The following AVEN variants were observed in gnomAD, a reference collection of about 807,000 sequenced individuals.
AVEN encodes the protein apoptosis and caspase activation inhibitor.
A neutral mutation model predicts 38.1 loss-of-function variants in AVEN; 41 were observed. The ratio of observed to expected loss-of-function variants is 1.08; its 90% CI spans 0.84 to 1.40. The LOEUF (loss-of-function observed/expected upper bound fraction) is 1.40, where lower values mean the gene tolerates loss of function less well. AVEN is among the 40% of genes most tolerant of loss of function. AVEN has a pLI of 0.00. For synonymous variants in AVEN, 206 were observed against 171.8 expected (o/e 1.20, Z -1.56); for missense variants, 605 against 438.8 (o/e 1.38, Z -3.38).
intron 4 of AVEN, chr15:34,064,295 G>A (rs761911674): frequency 1.2e-6 from 2 of 1,613,538 alleles, no homozygotes; most frequent in East Asian, 2.2e-5. Context: ...TGTACTGGCA[G>A]GGGAACAGCA....
At chr15:34,073,978 TTC>T (rs1432303941) in intron 1 of AVEN, among the ~76,000 whole-genome samples, 1,497 of 15,358 alleles carry the variant, frequency 0.097, 116 homozygotes, top group African/African-American at 0.15. Flanking sequence ...ACTTTCTTTT[TTC>T]TTCTTCTTCT....
At chr15:33,955,760 T>C (rs758872192) in intron 2 of AVEN, among the ~76,000 whole-genome samples, 3 of 152,226 alleles carry the variant, frequency 2.0e-5, no homozygotes, top group African/African-American at 7.2e-5. Flanking sequence ...CAGTTACTTA[T>C]GCTACCTTTG....
intron 2 of AVEN, among the ~76,000 whole-genome samples, chr15:33,920,388 A>G (rs914489387): frequency 7.9e-5 from 12 of 152,132 alleles, no homozygotes; most frequent in African/African-American, 2.9e-4. Context: ...GCTTCTATCA[A>G]TTTGACTTCT....
intron 2 of AVEN, among the ~76,000 whole-genome samples, chr15:33,957,281 G>A (rs1894992443): frequency 6.6e-6 from 1 of 152,180 alleles, no homozygotes; most frequent in Non-Finnish European, 1.5e-5. Flanking sequence ...ATATCCCAAA[G>A]GGTAACACTG....
At chr15:33,910,623 C>T (rs908830526) in intron 2 of AVEN, among the ~76,000 whole-genome samples, 1 of 152,196 alleles carries the variant, frequency 6.6e-6, no homozygotes, top group Non-Finnish European at 1.5e-5. Context: ...GAATGCACCT[C>T]ATAAAATGCC....
chr15:34,027,519 ACT>A (rs769747568), intron 1 of AVEN, among the ~76,000 whole-genome samples: 56 of 123,798 alleles, frequency 4.5e-4, no homozygotes, highest in Admixed American at 7.7e-4. Flanking sequence ...ACAAAGAGAG[ACT>A]CTGTCTCAAA....
upstream of AVEN, among the ~76,000 whole-genome samples, chr15:34,040,769 T>TA (rs1899439339): frequency 6.6e-6 from 1 of 151,872 alleles, no homozygotes; most frequent in Admixed American, 6.6e-5. Context: ...TCTACAAAAA[T>TA]TAGCTGGGCA....
chr15:33,914,598 C>A (rs1224885401), intron 2 of AVEN, among the ~76,000 whole-genome samples: 5 of 148,812 alleles, frequency 3.4e-5, no homozygotes, highest in African/African-American at 1.2e-4. Flanking sequence ...ATAGGGAAAC[C>A]ATACTAGATG....
intron 2 of AVEN, among the ~76,000 whole-genome samples, chr15:33,953,427 G>A (rs1894827272): frequency 6.6e-6 from 1 of 152,098 alleles, no homozygotes; most frequent in Non-Finnish European, 1.5e-5. Context: ...CATGGTACTG[G>A]TACCAAAACA....
At chr15:33,878,363 T>C (rs1891339372) in intron 2 of AVEN, among the ~76,000 whole-genome samples, 1 of 152,280 alleles carries the variant, frequency 6.6e-6, no homozygotes, top group Admixed American at 6.5e-5. Flanking sequence ...CCCAGGTATA[T>C]GGAAACTTAG....
At chr15:33,899,614 G>A (rs11637174) in intron 2 of AVEN, among the ~76,000 whole-genome samples, 93,529 of 151,050 alleles carry the variant, frequency 0.62, 29,544 homozygotes, top group Middle Eastern at 0.72. Flanking sequence ...AACTACAGGC[G>A]CCCGTCACCA....
At chr15:34,003,002 A>G (rs762432087) in intron 2 of AVEN, 30 bp downstream of exon 2, 11 of 1,583,000 alleles carry the variant, frequency 6.9e-6, no homozygotes, top group Admixed American at 5.6e-5. Context: ...TCAGAGCACT[A>G]AACAGTATGC....
chr15:33,933,099 A>G (rs1893912584), intron 2 of AVEN, among the ~76,000 whole-genome samples: 2 of 152,188 alleles, frequency 1.3e-5, no homozygotes, highest in South Asian at 4.1e-4. Flanking sequence ...GCCTTTACAA[A>G]CAGAATATAC....
intron 2 of AVEN, among the ~76,000 whole-genome samples, chr15:33,912,973 TC>T (rs1422128703): frequency 6.6e-6 from 1 of 150,978 alleles, no homozygotes. Context: ...CACCACAACC[TC>T]CGCCTCCTGG....
At chr15:34,064,402 C>CA in intron 4 of AVEN, 2 of 1,428,050 alleles carry the variant, frequency 1.4e-6, no homozygotes, top group Non-Finnish European at 1.9e-6. Flanking sequence ...TGTATATTTT[C>CA]AAAAAGAAGA....
chr15:34,024,030 C>T (rs998527574), intron 1 of AVEN, among the ~76,000 whole-genome samples: 4 of 152,144 alleles, frequency 2.6e-5, no homozygotes, highest in African/African-American at 7.2e-5. Flanking sequence ...AAACCTGCTA[C>T]CAGAAAATAA....
At chr15:34,073,989 C>A (rs55897927) in intron 1 of AVEN, among the ~76,000 whole-genome samples, 1 of 31,474 alleles carries the variant, frequency 3.2e-5, no homozygotes, top group African/African-American at 6.6e-5. Flanking sequence ...TCTTCTTCTT[C>A]TTTTTTTTTT....
At chr15:34,067,655 C>G (rs1335242671) in intron 2 of AVEN, among the ~76,000 whole-genome samples, 1 of 152,134 alleles carries the variant, frequency 6.6e-6, no homozygotes, top group Non-Finnish European at 1.5e-5. Context: ...AATGACCAAA[C>G]TAAGATTAAA....
At chr15:33,901,135 T>C (rs1429648077) in intron 2 of AVEN, among the ~76,000 whole-genome samples, 4 of 152,070 alleles carry the variant, frequency 2.6e-5, no homozygotes, top group Non-Finnish European at 5.9e-5. Flanking sequence ...GGTGTGGTGG[T>C]AGGCGCCTGT....
Sources: allele counts gnomAD v4.1 joint callset (sites outside exome capture counted in the v4.1 genomes callset), GRCh38; gene constraint gnomAD v4.1.1; transcripts MANE v1.5; gene names NCBI Gene and HGNC (gene_info 2026-07-23, HGNC 2026-07-21).